The following NUDCD3 variants were observed in gnomAD, a reference collection of about 807,000 sequenced individuals.
NUDCD3 encodes nudC domain-containing protein 3.
A neutral mutation model predicts 39.7 loss-of-function variants in NUDCD3; 13 were observed. That is an observed-to-expected ratio of 0.33 (90% CI 0.21 to 0.52). The LOEUF is 0.52. Among genes scored for constraint, NUDCD3 ranks in the 20% least tolerant of loss-of-function variants. NUDCD3 has a pLI of 0.96. For synonymous variants in NUDCD3, 175 were observed against 172.4 expected (o/e 1.02, Z -0.12); for missense variants, 453 against 458.1 (o/e 0.99, Z 0.10).
At chr7:44,417,561 G>A (rs1196687896) in intron 3 of NUDCD3, among the ~76,000 whole-genome samples, 1 of 152,186 alleles carries the variant, frequency 6.6e-6, no homozygotes, top group Non-Finnish European at 1.5e-5. Context: ...TAAAGGACCA[G>A]GAAACTGTAA....
At chr7:44,457,762 T>C (rs1386668205) in intron 2 of NUDCD3, among the ~76,000 whole-genome samples, 1 of 152,166 alleles carries the variant, frequency 6.6e-6, no homozygotes, top group East Asian at 1.9e-4. Context: ...TTTTAGTTAC[T>C]AGAAAATGCA....
intron 2 of NUDCD3, among the ~76,000 whole-genome samples, chr7:44,445,235 A>G (rs1372371384): frequency 6.6e-6 from 1 of 152,182 alleles, no homozygotes; most frequent in African/African-American, 2.4e-5. Flanking sequence ...TACATCCCCT[A>G]CCTTGTCCAC....
chr7:44,417,564 A>T (rs1436031599), intron 3 of NUDCD3, among the ~76,000 whole-genome samples: 1 of 152,234 alleles, frequency 6.6e-6, no homozygotes, highest in Non-Finnish European at 1.5e-5. Context: ...AGGACCAGGA[A>T]ACTGTAAATT....
chr7:44,489,679 G>A (rs1323695829), intron 1 of NUDCD3: 2 of 151,574 alleles, frequency 1.3e-5, no homozygotes, highest in African/African-American at 4.9e-5. Flanking sequence ...TCAAATAATT[G>A]CCCTTAAAAA....
chr7:44,457,891 A>G (rs188382236), intron 2 of NUDCD3, among the ~76,000 whole-genome samples: 276 of 152,328 alleles, frequency 1.8e-3, no homozygotes, highest in Non-Finnish European at 3.5e-3. Context: ...GCTGGTGTAC[A>G]ATGGTGGAAC....
intron 2 of NUDCD3, among the ~76,000 whole-genome samples, chr7:44,460,749 G>A (rs759248944): frequency 3.3e-4 from 50 of 152,174 alleles, no homozygotes; most frequent in African/African-American, 1.1e-3. Context: ...TAATTTGGGG[G>A]GAAAGAAAGA....
Position 44,385,228 on chromosome 7 carries a change from G to A in NUDCD3, c.*783C>T, listed in dbSNP as rs1798380896. On this transcript the variant is annotated 3_prime_UTR_variant, in exon 6 of 6. Transcript: ENST00000355451. ...CACACTTTGACACCGTGCACCCAAAGAGGACGTCTTATGGGGAGCCAAGCA... is the reference window on the plus strand; with the variant it reads ...CACACTTTGACACCGTGCACCCAAAAAGGACGTCTTATGGGGAGCCAAGCA... The A allele has an allele frequency of 6.6e-6, 1 of 152,260 alleles. No homozygotes were observed. The highest frequency in any genetic ancestry group is 1.5e-5 in the Non-Finnish European group (1 of 68,066). 9.4% of individuals were successfully genotyped at this position (152,260 alleles called of 1,614,324 possible).
chr7:44,402,629 C>G (rs1441109759), intron 4 of NUDCD3: 1 of 456,528 alleles, frequency 2.2e-6, no homozygotes, highest in South Asian at 1.5e-5. Context: ...GGACCACACA[C>G]GGGGTTGCTC....
chr7:44,453,221 C>T lies in NUDCD3; in HGVS notation c.510-25518G>A, dbSNP rs1294574494. Among the ~76,000 whole-genome samples, 14 of 152,192 alleles carry T rather than the reference C, an allele frequency of 9.2e-5. No homozygotes were observed. The South Asian group carries it at 1.0e-3, about 11-fold the overall frequency. On this transcript the variant is annotated intron_variant, in intron 2 of 5. Coordinates refer to ENST00000355451, the MANE Select transcript of NUDCD3 (RefSeq NM_015332.4). Reference sequence around the variant, plus strand: ...TACAAAAATTAGCGGGGCATGGTGGCGTGCGCCTGTAATCCCGGCTACTCA... The same window carrying T: ...TACAAAAATTAGCGGGGCATGGTGGTGTGCGCCTGTAATCCCGGCTACTCA...
chr7:44,453,358 A>T (rs1451520296), intron 2 of NUDCD3, among the ~76,000 whole-genome samples: 2 of 151,042 alleles, frequency 1.3e-5, no homozygotes, highest in Non-Finnish European at 3.0e-5. Flanking sequence ...ATCTCAAAAA[A>T]ATAAATAAAT....
chr7:44,476,245 C>A (rs889437422), intron 2 of NUDCD3, among the ~76,000 whole-genome samples: 1 of 152,238 alleles, frequency 6.6e-6, no homozygotes, highest in Non-Finnish European at 1.5e-5. Context: ...CCTTTCTATT[C>A]TCCTGACAGC....
chr7:44,481,241 C>A (rs1458937665), intron 2 of NUDCD3: 2 of 152,148 alleles, frequency 1.3e-5, no homozygotes, highest in African/African-American at 4.8e-5. Context: ...CCTGCAGATA[C>A]CAAGGGATAA....
intron 3 of NUDCD3, among the ~76,000 whole-genome samples, chr7:44,412,603 A>C (rs760192251): frequency 3.9e-5 from 6 of 152,240 alleles, no homozygotes; most frequent in Admixed American, 1.3e-4. Context: ...AAGAAAACAA[A>C]TCATTTCATT....
chr7:44,444,709 C>G (rs1799657003), intron 2 of NUDCD3, among the ~76,000 whole-genome samples: 1 of 152,160 alleles, frequency 6.6e-6, no homozygotes, highest in South Asian at 2.1e-4. Context: ...TCTGTGAGAC[C>G]CTGTGCCGTA....
intron 2 of NUDCD3, among the ~76,000 whole-genome samples, chr7:44,429,930 C>T (rs1267509378): frequency 2.0e-5 from 3 of 152,152 alleles, no homozygotes; most frequent in Non-Finnish European, 4.4e-5. Context: ...ATGAAGAAAG[C>T]TTTCAATATA....
In NUDCD3 at chr7:44,385,924, A is replaced by G; in HGVS notation, c.*87T>C. On this transcript the variant is annotated 3_prime_UTR_variant, in exon 6 of 6. Transcript: ENST00000355451. ...TGGCTAGGGGTAAACAAGACGAGCA[A>G]GTCCCTGGAATGCAGGGAGCCAAGA... is the stretch of plus-strand genomic sequence containing the variant. The G allele has an allele frequency of 1.3e-6, 1 of 745,072 alleles. No individual in the cohort carries two copies. The highest frequency in any genetic ancestry group is 1.9e-5 in the Admixed American group (1 of 52,478). The allele number at this position is 745,072 out of a possible 1,614,324, so 46.2% of individuals were successfully genotyped here. A position where few individuals can be genotyped will look rare whatever the true frequency, so the allele number is the denominator to read the frequency against.
intron 2 of NUDCD3, among the ~76,000 whole-genome samples, chr7:44,464,213 CAAAA>C (rs776316432): frequency 2.9e-5 from 2 of 70,078 alleles, no homozygotes; most frequent in Non-Finnish European, 3.1e-5. Context: ...GACCCCATCT[CAAAA>C]AAAAAAAAAA....
chr7:44,455,481 A>C (rs1262834249), intron 2 of NUDCD3, among the ~76,000 whole-genome samples: 1 of 151,672 alleles, frequency 6.6e-6, no homozygotes, highest in Non-Finnish European at 1.5e-5. Flanking sequence ...TACCTCTTCC[A>C]CAAGCTCCTC....
At chr7:44,426,678 C>T (rs1799242506) in intron 3 of NUDCD3, among the ~76,000 whole-genome samples, 1 of 151,218 alleles carries the variant, frequency 6.6e-6, no homozygotes, top group South Asian at 2.1e-4. Context: ...CGCCTGTAGT[C>T]CCAGCTACTT....
Sources: gnomAD v4.1 joint callset for allele counts (sites outside exome capture counted in the v4.1 genomes callset) on GRCh38, gnomAD v4.1.1 for gene constraint, MANE v1.5 for transcripts, NCBI Gene and HGNC (gene_info 2026-07-23, HGNC 2026-07-21) for gene names.